Variants in HIRA observed in about 807,000 individuals in gnomAD.
The protein encoded by HIRA is histone cell cycle regulator, also known as protein HIRA.
Under a neutral mutation model 126.6 loss-of-function variants are expected in HIRA, and 13 were observed. The observed-to-expected ratio is 0.10, with a 90% CI of 0.07 to 0.16. HIRA has a LOEUF of 0.16. Ranked by LOEUF, HIRA falls within the 10% of genes least tolerant of loss-of-function variation. HIRA has a pLI of 1.00. For missense variants in HIRA, 834 were observed against 1,314.4 expected (o/e 0.63, Z 5.65); for synonymous variants, 511 against 520.0 (o/e 0.98, Z 0.24).
At chr22:19,369,788 C>T (rs530979763) in intron 15 of HIRA, among the ~76,000 whole-genome samples, 3 of 152,148 alleles carry the variant, frequency 2.0e-5, no homozygotes, top group Middle Eastern at 3.4e-3. Flanking sequence ...AAAAATTAGC[C>T]GGGCGTCATG....
chr22:19,423,217 G>A (rs1342099107), intron 1 of HIRA, among the ~76,000 whole-genome samples: 1 of 152,022 alleles, frequency 6.6e-6, no homozygotes, highest in Non-Finnish European at 1.5e-5. Context: ...TCTATCCCCC[G>A]CCTCTGCCTC....
At chr22:19,385,811 C>T in intron 11 of HIRA, 75 bp from the exon 12 acceptor site, 1 of 1,395,434 alleles carries the variant, frequency 7.2e-7, no homozygotes, top group Non-Finnish European at 9.9e-7. Context: ...AGCAGGCAAA[C>T]TACAGCAGGG....
Position 19,351,491 on chromosome 22 carries a change from CAG to C in HIRA, c.2849-47_2849-46del. 4.4e-6 allele frequency: 6 copies of C among 1,354,330 alleles called. 1 individual carries two copies. Among genetic ancestry groups the C allele is most frequent in the South Asian group, 2.4e-5 (2 of 83,302 alleles). The allele number at this position is 1,354,330 out of a possible 1,614,324, so 83.9% of individuals were successfully genotyped here. On this transcript the variant is annotated intron_variant, in intron 23 of 24. Coordinates refer to ENST00000263208, the MANE Select transcript of HIRA (RefSeq NM_003325.4). The surrounding 1 kb of genome is among the most constrained non-coding windows in gnomAD (Gnocchi z 4.8). ...CAAACAACAACAACAAAAAACAAAACAGAAATAGGAACACATTACAAAAAGAA... is the reference window on the plus strand; with the variant it reads ...CAAACAACAACAACAAAAAACAAAACAAATAGGAACACATTACAAAAAGAA...
chr22:19,411,701 A>T (rs1275098905), intron 1 of HIRA, among the ~76,000 whole-genome samples: 3 of 152,236 alleles, frequency 2.0e-5, no homozygotes, highest in Admixed American at 2.0e-4. Context: ...TTGCTGATAT[A>T]GATGGGCTGT....
At chr22:19,409,980 G>C (rs952528601) in intron 2 of HIRA, among the ~76,000 whole-genome samples, 2 of 152,196 alleles carry the variant, frequency 1.3e-5, no homozygotes, top group African/African-American at 4.8e-5. Flanking sequence ...TGCAGCACCT[G>C]GCCTGAGGAC....
At chr22:19,426,604 A>G (rs1331186403) in intron 1 of HIRA, among the ~76,000 whole-genome samples, 3 of 152,142 alleles carry the variant, frequency 2.0e-5, no homozygotes, top group African/African-American at 7.2e-5. Context: ...TACGGTTTGT[A>G]TGTCAATCTC....
intron 13 of HIRA, among the ~76,000 whole-genome samples, chr22:19,379,227 T>A (rs1456569942): frequency 1.3e-5 from 2 of 151,596 alleles, no homozygotes; most frequent in African/African-American, 4.8e-5. Flanking sequence ...TTAGCCAGGA[T>A]GGTCTCGATC....
chr22:19,362,715 C>T (rs1414838898), intron 15 of HIRA, among the ~76,000 whole-genome samples: 2 of 151,688 alleles, frequency 1.3e-5, no homozygotes, highest in African/African-American at 4.8e-5. Context: ...TGTGTGCCAC[C>T]ACGCCTGGTT....
In HIRA at chr22:19,331,237, G is replaced by A. The variant is rs1556004470; in HGVS notation, c.*203C>T. 6.7e-7 allele frequency: 1 copy of A among 1,496,974 alleles called. No individual in the cohort carries two copies. The highest frequency in any genetic ancestry group is 8.9e-7 in the Non-Finnish European group (1 of 1,121,766). 92.7% of individuals were successfully genotyped at this position (1,496,974 alleles called of 1,614,324 possible). A position where few individuals can be genotyped will look rare whatever the true frequency, so the allele number is the denominator to read the frequency against. ...ATCGGGGGCTTGGAGGGAGGGATGA[G>A]CTTCCCCCTCCTGAGGCAATGTCAG... On this transcript the variant is annotated 3_prime_UTR_variant, in exon 25 of 25. Coordinates refer to ENST00000263208, the MANE Select transcript of HIRA (RefSeq NM_003325.4).
intron 22 of HIRA, 59 bp downstream of exon 22, chr22:19,353,937 C>T: frequency 6.3e-7 from 1 of 1,591,566 alleles, no homozygotes; most frequent in Non-Finnish European, 8.6e-7. Flanking sequence ...CGTGCACTGA[C>T]CCAGGCACTT....
At chr22:19,347,857 T>C (rs532603192) in intron 24 of HIRA, among the ~76,000 whole-genome samples, 59 of 152,322 alleles carry the variant, frequency 3.9e-4, no homozygotes, top group African/African-American at 1.4e-3. Context: ...GAGAATTGCT[T>C]GAACCCAGGA....
intron 15 of HIRA, among the ~76,000 whole-genome samples, chr22:19,363,119 A>G (rs1454456077): frequency 6.6e-6 from 1 of 151,274 alleles, no homozygotes. Flanking sequence ...CTGTAGTCCC[A>G]GCTACTCGGC....
chr22:19,360,398 C>T (rs895213873), intron 17 of HIRA, among the ~76,000 whole-genome samples: 1 of 152,210 alleles, frequency 6.6e-6, no homozygotes, highest in African/African-American at 2.4e-5. Flanking sequence ...CCCCTGCCTC[C>T]GTTCACACCA....
intron 5 of HIRA, among the ~76,000 whole-genome samples, chr22:19,403,109 A>G (rs2089282516): frequency 6.6e-6 from 1 of 151,846 alleles, no homozygotes; most frequent in South Asian, 2.1e-4. Flanking sequence ...CTCAAAAAAA[A>G]AAAAAAAAAG....
intron 1 of HIRA, among the ~76,000 whole-genome samples, chr22:19,421,154 T>C (rs1380556947): frequency 6.6e-6 from 1 of 152,032 alleles, no homozygotes; most frequent in Non-Finnish European, 1.5e-5. Flanking sequence ...AAAAAATTTA[T>C]TGGGTGTGGT....
intron 13 of HIRA, among the ~76,000 whole-genome samples, chr22:19,379,829 A>T (rs1378160412): frequency 6.6e-6 from 1 of 151,044 alleles, no homozygotes; most frequent in Non-Finnish European, 1.5e-5. Context: ...TTTTTTTTTG[A>T]GACGAAGTCT....
At chr22:19,420,548 C>G (rs2146255326) in intron 1 of HIRA, among the ~76,000 whole-genome samples, 1 of 151,150 alleles carries the variant, frequency 6.6e-6, no homozygotes, top group East Asian at 1.9e-4. Context: ...TGACGAAAGG[C>G]ATTTCTGTTT....
intron 1 of HIRA, among the ~76,000 whole-genome samples, chr22:19,421,426 T>C (rs1268965409): frequency 6.6e-6 from 1 of 152,200 alleles, no homozygotes; most frequent in Non-Finnish European, 1.5e-5. Context: ...GGGATTTGGT[T>C]AAAGTCTTAA....
At chr22:19,368,537 G>A (rs1429990326) in intron 15 of HIRA, among the ~76,000 whole-genome samples, 1 of 151,764 alleles carries the variant, frequency 6.6e-6, no homozygotes, top group Non-Finnish European at 1.5e-5. Flanking sequence ...TGTTAAATAA[G>A]CTTTTGGAAC....
Sources: allele counts gnomAD v4.1 joint callset (sites outside exome capture counted in the v4.1 genomes callset), GRCh38; gene constraint gnomAD v4.1.1; non-coding constraint Gnocchi (gnomAD v3.1); transcripts MANE v1.5; gene names NCBI Gene and HGNC (gene_info 2026-07-23, HGNC 2026-07-21).